The following TCERG1 variants were observed in gnomAD, a reference collection of about 807,000 sequenced individuals.
TCERG1 encodes the protein transcription elongation regulator 1.
TCERG1 carries 37 observed loss-of-function variants against 144.7 expected under a neutral mutation model. The ratio of observed to expected loss-of-function variants is 0.26; its 90% CI spans 0.20 to 0.34. TCERG1 has a LOEUF of 0.34. TCERG1 is among the 10% of genes least tolerant of loss of function. The pLI, the probability that TCERG1 is intolerant of heterozygous loss-of-function variation, is 1.00. For synonymous variants in TCERG1, 492 were observed against 458.2 expected, an observed-to-expected ratio of 1.07 and a Z score of -0.94; for missense variants, 1,027 against 1,380.7, an observed-to-expected ratio of 0.74 and a Z score of 4.06.
chr5:146,447,847 G>A (rs1762016941), intron 1 of TCERG1, among the ~76,000 whole-genome samples: 1 of 152,270 alleles, frequency 6.6e-6, no homozygotes, highest in South Asian at 2.1e-4. Flanking sequence ...TTCTGGCTAA[G>A]CCTTCTCCAC....
At position 146,480,008 on chromosome 5, in the gene TCERG1, A is replaced by G; in HGVS notation, c.1820-20A>G. 6.3e-7 allele frequency: 1 copy of G among 1,592,630 alleles called. No individual in the cohort carries two copies. Among genetic ancestry groups the G allele is most frequent in the Non-Finnish European group, 8.6e-7 (1 of 1,168,296 alleles). The stretch of plus-strand genomic sequence containing the variant: ...AGAAGGATTCATTCCTAAATATTTT[A>G]ATTAAATTTTGTCTTATAGTTAAAG... On this transcript the variant is annotated intron_variant, in intron 11 of 22. Coordinates refer to ENST00000679501, the MANE Select transcript of TCERG1 (RefSeq NM_001382548.1).
At chr5:146,451,900 G>T (rs938319493) in intron 1 of TCERG1, among the ~76,000 whole-genome samples, 1 of 151,252 alleles carries the variant, frequency 6.6e-6, no homozygotes, top group Admixed American at 6.6e-5. Flanking sequence ...TGATTGTCAT[G>T]CCTCAACCTC....
chr5:146,449,903 T>G (rs1213942682), intron 1 of TCERG1, among the ~76,000 whole-genome samples: 1 of 152,082 alleles, frequency 6.6e-6, no homozygotes, highest in South Asian at 2.1e-4. Context: ...AAAATGAGAA[T>G]AAGAATATTC....
intron 1 of TCERG1, among the ~76,000 whole-genome samples, chr5:146,451,319 C>CTTT (rs56346846): frequency 2.7e-4 from 38 of 138,884 alleles, no homozygotes; most frequent in Non-Finnish European, 3.1e-4. Context: ...ATCCATATTC[C>CTTT]TTTTTTTTTT....
At chr5:146,486,402 T>G (rs1765833322) in intron 15 of TCERG1, among the ~76,000 whole-genome samples, 1 of 152,224 alleles carries the variant, frequency 6.6e-6, no homozygotes, top group African/African-American at 2.4e-5. Flanking sequence ...GTCTGAAATG[T>G]TTTTGTTTTA....
In TCERG1 at chr5:146,510,235, A is replaced by T. The variant is rs1768350426; in HGVS notation, c.3147-206A>T. ...GGACCACCACTAGGGGTGGGAGGGT[A>T]ATTCAGCTTCTGAGGCCCTTTCACT... On this transcript the variant is annotated intron_variant, in intron 22 of 22. Transcript: ENST00000679501. 5.6e-6 allele frequency: 4 copies of T among 717,882 alleles called. No individual in the cohort carries two copies. The Admixed American group carries it at 1.3e-4, about 23-fold the overall frequency. 44.5% of individuals were successfully genotyped at this position (717,882 alleles called of 1,614,324 possible). A position where few individuals can be genotyped will look rare whatever the true frequency, so the allele number is the denominator to read the frequency against.
chr5:146,468,139 T>C lies in TCERG1; in HGVS notation c.1136-202T>C, dbSNP rs555284905. On this transcript the variant is annotated intron_variant, in intron 5 of 22. Transcript: ENST00000679501. ...GCTGGTTTGATAAAAAGGTAATTGA[T>C]GGTATCATTTAGAATTAGTGTCATT... Among the ~76,000 whole-genome samples, 9 of 152,296 alleles carry C rather than the reference T, an allele frequency of 5.9e-5. No individual in the cohort carries two copies. The South Asian group carries it at 1.9e-3, about 32-fold the overall frequency.
rs1561715923 is a variant in TCERG1 at position 146,511,346 on chromosome 5, C to G, written c.*704C>G. On this transcript the variant is annotated 3_prime_UTR_variant, in exon 23 of 23. Transcript: ENST00000679501. The stretch of plus-strand genomic sequence containing the variant: ...CATATTTTATTCACCATTAAGTGAT[C>G]TTTATCAATATTCTGGATTAGACAA... 1 of 152,574 alleles carries G rather than the reference C, an allele frequency of 6.6e-6. No individual in the cohort carries two copies. Among genetic ancestry groups the G allele is most frequent in the African/African-American group, 2.4e-5 (1 of 41,434 alleles). The allele number at this position is 152,574 out of a possible 1,614,324, so 9.5% of individuals were successfully genotyped here. A position where few individuals can be genotyped will look rare whatever the true frequency, so the allele number is the denominator to read the frequency against.
intron 5 of TCERG1, 135 bp downstream of exon 5, chr5:146,463,928 A>G (rs1294707980): frequency 5.7e-6 from 7 of 1,233,792 alleles, no homozygotes; most frequent in Middle Eastern, 2.0e-4. Context: ...ATTCATGGCT[A>G]ACTGCAATAT....
intron 21 of TCERG1, 73 bp downstream of exon 21, chr5:146,508,029 C>G: frequency 1.0e-6 from 1 of 987,628 alleles, no homozygotes; most frequent in Non-Finnish European, 1.5e-6. Flanking sequence ...GCACTACTAT[C>G]TTAACCAAAA....
At position 146,459,124 on chromosome 5, in the gene TCERG1, G is replaced by T. The variant is rs1389128242; in HGVS notation, c.679G>T (p.Ala227Ser). ...GGCCCAGGCCCAAGCCCAAGCCCAGGCCCAGGCTCAGGCTCAGGCACAAGC... is the reference window on the plus strand; with the variant it reads ...GGCCCAGGCCCAAGCCCAAGCCCAGTCCCAGGCTCAGGCTCAGGCACAAGC... ...AQAQAQAQAQAQAQAQAQAQA... is the reference protein window; with the variant it reads ...AQAQAQAQAQSQAQAQAQAQA... Residue 227 changes from alanine (A) to serine (S), a missense_variant, in exon 4 of 23, where the codon GCC (alanine) becomes TCC (serine). Physicochemically the swap from Ala to Ser is moderately conservative, Grantham distance 99 (BLOSUM62 1). Transcript: ENST00000679501. The T allele has an allele frequency of 8.7e-6, 14 of 1,602,472 alleles. No homozygotes were observed. Among genetic ancestry groups the T allele is most frequent in the African/African-American group, 1.3e-5 (1 of 74,512 alleles).
intron 16 of TCERG1, among the ~76,000 whole-genome samples, chr5:146,493,543 A>G (rs1186270463): frequency 6.6e-6 from 1 of 152,096 alleles, no homozygotes; most frequent in Non-Finnish European, 1.5e-5. Context: ...AATAACAGTT[A>G]CTGGGTATTT....
In TCERG1 at chr5:146,478,547, T is replaced by A. The variant is rs1372305271; in HGVS notation, c.1656T>A (p.Arg552=). The A allele has an allele frequency of 1.2e-6, 2 of 1,611,380 alleles. No individual in the cohort carries two copies. The change falls in exon 10 of 23, where the codon CGT becomes CGA. Residue 552 remains arginine (R), a synonymous_variant. Coordinates refer to ENST00000679501, the MANE Select transcript of TCERG1 (RefSeq NM_001382548.1). ...TCTTCTTTTATAATCCCACCACTCG[T>A]CTTTCTATGTGGGACCGACCTGATG... is the stretch of plus-strand genomic sequence containing the variant. ...ERVFFYNPTT[R]LSMWDRPDDL...
At chr5:146,484,737 C>T (rs1765669306) in intron 15 of TCERG1, among the ~76,000 whole-genome samples, 1 of 151,986 alleles carries the variant, frequency 6.6e-6, no homozygotes, top group South Asian at 2.1e-4. Context: ...AGCCTTGATT[C>T]CTTACTTTTC....
At chr5:146,463,422 T>C in intron 4 of TCERG1, 129 bp from the exon 5 acceptor site, 1 of 1,349,038 alleles carries the variant, frequency 7.4e-7, no homozygotes, top group South Asian at 1.4e-5. Flanking sequence ...TAAGACCTTT[T>C]GACAAATTTC....
At chr5:146,469,185 C>T (rs1764064979) in intron 6 of TCERG1, among the ~76,000 whole-genome samples, 1 of 151,966 alleles carries the variant, frequency 6.6e-6, no homozygotes, top group African/African-American at 2.4e-5. Context: ...TGTTTGTTGT[C>T]TTCATTAGAA....
chr5:146,510,654 C>A lies in TCERG1; in HGVS notation c.*12C>A, dbSNP rs372547498. On this transcript the variant is annotated 3_prime_UTR_variant, in exon 23 of 23. Coordinates refer to ENST00000679501, the MANE Select transcript of TCERG1 (RefSeq NM_001382548.1). The stretch of plus-strand genomic sequence containing the variant: ...GATCAACAAAATAATTCTAAATACT[C>A]TTCCATAGGGGCATCTATTCAAAAT... 2.5e-6 allele frequency: 4 copies of A among 1,609,230 alleles called. No homozygotes were observed. The African/African-American group carries it at 4.0e-5, about 16-fold the overall frequency.
intron 4 of TCERG1, among the ~76,000 whole-genome samples, chr5:146,461,216 A>G (rs1284667333): frequency 6.9e-6 from 1 of 145,594 alleles, no homozygotes; most frequent in African/African-American, 2.8e-5. Flanking sequence ...ATTCCCAGAA[A>G]TATAATATAG....
At position 146,457,251 on chromosome 5, in the gene TCERG1, A is replaced by C; in HGVS notation, c.354A>C (p.Gly118=). ...PPPPGMMFPP[G]MPPVTAPGTP... is the part of the protein sequence containing the mutation. The stretch of plus-strand genomic sequence containing the variant: ...CTCCGGGTATGATGTTTCCACCAGG[A>C]ATGCCTCCTGTGACTGCTCCTGGTA... The change falls in exon 3 of 23, where the codon GGA becomes GGC. Residue 118 remains glycine, a synonymous_variant. Coordinates refer to ENST00000679501, the MANE Select transcript of TCERG1 (RefSeq NM_001382548.1). The C allele has an allele frequency of 1.9e-6, 3 of 1,614,176 alleles. No individual in the cohort carries two copies. The highest frequency in any genetic ancestry group is 1.7e-6 in the Non-Finnish European group (2 of 1,180,002).
Sources: allele counts gnomAD v4.1 joint callset (sites outside exome capture counted in the v4.1 genomes callset), GRCh38; gene constraint gnomAD v4.1.1; transcripts MANE v1.5; gene names NCBI Gene and HGNC (gene_info 2026-07-23, HGNC 2026-07-21).